Variants in CRLS1 observed in about 807,000 individuals in gnomAD.
CRLS1 encodes the protein cardiolipin synthase 1.
In CRLS1, 24 loss-of-function variants were observed where a neutral mutation model predicts 37.0. That is an observed-to-expected ratio of 0.65 (90% CI 0.47 to 0.91). The LOEUF is 0.91. Among genes scored for constraint, CRLS1 ranks in the 40% least tolerant of loss-of-function variants. The pLI, the probability that CRLS1 is intolerant of heterozygous loss-of-function variation, is 0.00. For synonymous variants in CRLS1, 135 were observed against 159.7 expected (o/e 0.85, Z 1.17); for missense variants, 373 against 395.8 (o/e 0.94, Z 0.49).
At chr20:6,015,268 A>G (rs1288578461) in intron 2 of CRLS1, 93 bp from the exon 3 acceptor site, 5 of 719,690 alleles carry the variant, frequency 6.9e-6, no homozygotes, top group South Asian at 4.6e-5. Context: ...TTATGAGAGT[A>G]TAATTGTTAT....
intron 2 of CRLS1, among the ~76,000 whole-genome samples, chr20:6,013,146 G>A (rs1978466932): frequency 6.6e-6 from 1 of 151,522 alleles, no homozygotes; most frequent in African/African-American, 2.4e-5. Flanking sequence ...TGTGTATATA[G>A]ATAGATAGAT....
chr20:6,010,669 C>T (rs184340880), intron 2 of CRLS1, among the ~76,000 whole-genome samples: 1 of 152,296 alleles, frequency 6.6e-6, no homozygotes. Context: ...ATTAAATAGG[C>T]TTTTGTGGAC....
chr20:6,006,442 C>A lies in CRLS1; in HGVS notation c.196C>A (p.Arg66=). Residue 66 remains arginine (R), a synonymous_variant, in exon 1 of 7, where the codon CGG becomes AGG. Coordinates refer to ENST00000378863, the MANE Select transcript of CRLS1 (RefSeq NM_019095.6). The part of the protein sequence containing the change: ...LGLRLPGIGQ[R]NHCSGAGKAA... ...CTTGCGGCTGCCCGGGATCGGCCAG[C>A]GGAACCACTGTTCGGGCGCGGGGAA... The A allele has an allele frequency of 2.1e-6, 3 of 1,407,184 alleles. No individual in the cohort carries two copies. The highest frequency in any genetic ancestry group is 2.8e-6 in the Non-Finnish European group (3 of 1,081,682). The allele number at this position is 1,407,184 out of a possible 1,614,324, so 87.2% of individuals were successfully genotyped here.
intron 1 of CRLS1, chr20:6,007,484 A>G: frequency 7.0e-7 from 1 of 1,432,278 alleles, no homozygotes; most frequent in East Asian, 2.3e-5. Flanking sequence ...TAATGATTAC[A>G]AATTAATGAG....
chr20:6,035,800 A>T (rs1184524561), intron 6 of CRLS1, among the ~76,000 whole-genome samples: 2 of 148,234 alleles, frequency 1.3e-5, no homozygotes, highest in African/African-American at 5.0e-5. Context: ...ATTTTTTTTT[A>T]ATTAATTAAT....
chr20:6,032,738 CA>C (rs1319728127), intron 5 of CRLS1, among the ~76,000 whole-genome samples: 1 of 152,158 alleles, frequency 6.6e-6, no homozygotes, highest in African/African-American at 2.4e-5. Flanking sequence ...CCTCTCAAGC[CA>C]TATTTGTTTT....
At position 6,039,840 on chromosome 20, in the gene CRLS1, G is replaced by A. The variant is rs1436450101; in HGVS notation, c.*2682G>A. 1.3e-5 allele frequency: 2 copies of A among 152,052 alleles called. No homozygotes were observed. The highest frequency in any genetic ancestry group is 1.5e-5 in the Non-Finnish European group (1 of 68,022). The allele number at this position is 152,052 out of a possible 1,614,324, so 9.4% of individuals were successfully genotyped here. A position where few individuals can be genotyped will look rare whatever the true frequency, so the allele number is the denominator to read the frequency against. On this transcript the variant is annotated 3_prime_UTR_variant, in exon 7 of 7. Transcript: ENST00000378863. ...TGTCTGCGAGCTAAGGAATACTGAG[G>A]ATTGCTGCCAACCATCCGAAGCTGG...
chr20:6,027,082 A>ATTT (rs11361547), intron 3 of CRLS1, among the ~76,000 whole-genome samples: 1 of 128,472 alleles, frequency 7.8e-6, no homozygotes, highest in Non-Finnish European at 1.6e-5. Context: ...TGGAAATTGA[A>ATTT]TTTTTTTTTT....
At chr20:6,015,277 A>G in intron 2 of CRLS1, 84 bp from the exon 3 acceptor site, 1 of 791,476 alleles carries the variant, frequency 1.3e-6, no homozygotes. Context: ...TATAATTGTT[A>G]TTCTGGTATA....
Position 6,018,985 on chromosome 20 carries a change from G to A in CRLS1, c.574+3495G>A, listed in dbSNP as rs117234516. Among the ~76,000 whole-genome samples, 603 of 152,152 alleles carry A rather than the reference G, an allele frequency of 4.0e-3. 1 individual carries two copies. The highest frequency in any genetic ancestry group is 7.3e-3 in the Non-Finnish European group (496 of 68,004). On this transcript the variant is annotated intron_variant, in intron 3 of 6. Coordinates refer to ENST00000378863, the MANE Select transcript of CRLS1 (RefSeq NM_019095.6). The stretch of plus-strand genomic sequence containing the variant: ...ATTTCAAATTTTAATTCATGAGATT[G>A]GCTTGGAATTCTTCATATATTCTTG...
At chr20:6,033,502 G>A (rs775227213) in intron 5 of CRLS1, among the ~76,000 whole-genome samples, 2 of 152,268 alleles carry the variant, frequency 1.3e-5, no homozygotes, top group South Asian at 4.2e-4. Context: ...TAGAACAGAG[G>A]TGCTCGTCTG....
intron 3 of CRLS1, among the ~76,000 whole-genome samples, chr20:6,019,804 G>A (rs1209614061): frequency 6.6e-6 from 1 of 150,574 alleles, no homozygotes; most frequent in Non-Finnish European, 1.5e-5. Context: ...TAGGATTACA[G>A]GTGTGTGCCA....
chr20:6,031,427 C>A, intron 4 of CRLS1, 57 bp downstream of exon 4: 2 of 1,325,298 alleles, frequency 1.5e-6, no homozygotes, highest in Non-Finnish European at 2.1e-6. Flanking sequence ...AAGGAAAAAG[C>A]AAAAAGACAT....
chr20:6,005,956 G>A (rs1020412331), upstream of CRLS1: 2 of 266,798 alleles, frequency 7.5e-6, no homozygotes, highest in African/African-American at 2.2e-5. Flanking sequence ...AGAGCGCCGC[G>A]TACCCGCTGC....
At chr20:6,014,073 G>A (rs112796363) in intron 2 of CRLS1, among the ~76,000 whole-genome samples, 3,563 of 152,302 alleles carry the variant, frequency 0.023, 144 homozygotes, top group African/African-American at 0.081. Context: ...GAAGGAAATA[G>A]ATTTTTTCAG....
chr20:6,033,401 G>T (rs1980324938), intron 5 of CRLS1, among the ~76,000 whole-genome samples: 2 of 152,144 alleles, frequency 1.3e-5, no homozygotes, highest in African/African-American at 4.8e-5. Context: ...CTCCCAAAGT[G>T]CTGGGCTTAC....
chr20:6,006,645 G>A, intron 1 of CRLS1, 93 bp downstream of exon 1: 1 of 1,214,584 alleles, frequency 8.2e-7, no homozygotes, highest in African/African-American at 1.6e-5. Flanking sequence ...CAGCTCGGAC[G>A]CTTCCGTTTC....
chr20:6,037,153 G>T lies in CRLS1; in HGVS notation c.901G>T (p.Asp301Tyr). ...YGRKTVQVIK[D>Y] ...CCGGAAGACTGTTCAGGTGATAAAA[G>T]ACTGATGAAAGTCATCCCTCACTGT... is the stretch of plus-strand genomic sequence containing the variant. Residue 301 changes from aspartate (D) to tyrosine (Y), a missense_variant, in exon 7 of 7, where the codon GAC becomes TAC. By Grantham distance (160) the Asp-to-Tyr change is radical. Coordinates refer to ENST00000378863, the MANE Select transcript of CRLS1 (RefSeq NM_019095.6). 1.2e-6 allele frequency: 2 copies of T among 1,610,888 alleles called. No homozygotes were observed. The highest frequency in any genetic ancestry group is 1.7e-6 in the Non-Finnish European group (2 of 1,177,484).
intron 3 of CRLS1, among the ~76,000 whole-genome samples, chr20:6,021,446 T>C (rs980986610): frequency 1.3e-5 from 2 of 152,200 alleles, no homozygotes; most frequent in Non-Finnish European, 2.9e-5. Flanking sequence ...AGTGAATGTT[T>C]TGTTATGAAG....
Sources: gnomAD v4.1 joint callset for allele counts (sites outside exome capture counted in the v4.1 genomes callset) on GRCh38, gnomAD v4.1.1 for gene constraint, MANE v1.5 for transcripts, NCBI Gene and HGNC (gene_info 2026-07-23, HGNC 2026-07-21) for gene names.